Variants in WDR11 observed in about 807,000 individuals in gnomAD.
WDR11 encodes WD repeat domain 11, also known as WD repeat-containing protein 11.
A neutral mutation model predicts 151.2 loss-of-function variants in WDR11; 83 were observed. The ratio of observed to expected loss-of-function variants is 0.55; its 90% confidence interval spans 0.46 to 0.66. WDR11 has a LOEUF of 0.66. Ranked by LOEUF, WDR11 falls within the 30% of genes least tolerant of loss-of-function variation. The probability of loss-of-function intolerance (pLI) is 0.00; values close to 1 mark genes in which losing one functional copy is unlikely to be tolerated. For synonymous variants in WDR11, 484 were observed against 533.1 expected (o/e 0.91, Z 1.27); for missense variants, 1,301 against 1,480.9 (o/e 0.88, Z 1.99).
chr10:120,862,881 C>G lies in WDR11; in HGVS notation c.673C>G (p.Leu225Val), dbSNP rs2133740277. Reference protein sequence around the residue: ...LATATGAKKALNKVKILITQE... With the variant: ...LATATGAKKAVNKVKILITQE... Reference sequence around the variant, plus strand: ...CACAGCCACAGGTGCCAAGAAAGCTCTAAATAAAGTAAAAATTTTAATCAC... The same window carrying G: ...CACAGCCACAGGTGCCAAGAAAGCTGTAAATAAAGTAAAAATTTTAATCAC... Residue 225 changes from leucine (L) to valine (V), a missense_variant, in exon 5 of 29, where the codon CTA becomes GTA. This residue lies in a region of WDR11 where 692 missense variants were observed against 762.5 expected (regional missense o/e 0.91). Coordinates refer to ENST00000263461, the MANE Select transcript of WDR11 (RefSeq NM_018117.12). 1.2e-6 allele frequency: 2 copies of G among 1,613,940 alleles called. No homozygotes were observed. The highest frequency in any genetic ancestry group is 1.7e-6 in the Non-Finnish European group (2 of 1,179,920).
chr10:120,851,633 A>G (rs911980045), intron 1 of WDR11, 127 bp downstream of exon 1: 41 of 1,134,546 alleles, frequency 3.6e-5, no homozygotes, highest in Non-Finnish European at 5.1e-5. Context: ...CCCTCACGCA[A>G]TGAGCTTGCT....
chr10:120,908,189 C>T lies in WDR11; in HGVS notation c.3518-367C>T, dbSNP rs916580709. ...ATATCTGCCCCCAAACTGCCAGCCTCTCAGACTTTCAAATGGAATGAGGAT... is the reference window on the plus strand; with the variant it reads ...ATATCTGCCCCCAAACTGCCAGCCTTTCAGACTTTCAAATGGAATGAGGAT... On this transcript the variant is annotated intron_variant, in intron 28 of 28. Coordinates refer to ENST00000263461, the MANE Select transcript of WDR11 (RefSeq NM_018117.12). The T allele has an allele frequency of 1.5e-5, 4 of 266,720 alleles. 1 individual carries two copies. Among genetic ancestry groups the T allele is most frequent in the South Asian group, 1.0e-4 (2 of 19,928 alleles). 16.5% of individuals were successfully genotyped at this position (266,720 alleles called of 1,614,324 possible). A position where few individuals can be genotyped will look rare whatever the true frequency, so the allele number is the denominator to read the frequency against.
chr10:120,905,541 G>A (rs1214589754), intron 26 of WDR11, 125 bp downstream of exon 26: 11 of 989,904 alleles, frequency 1.1e-5, no homozygotes, highest in Admixed American at 5.6e-5. Context: ...ATACTGTCTT[G>A]GAACCTTTAT....
In WDR11 at chr10:120,878,344, C is replaced by T; in HGVS notation, c.1557-9C>T. ...ATTAGTTTAACCTTTATCTCATTTC[C>T]TATTATAGGGGTATTGAATGGACAA... is the stretch of plus-strand genomic sequence containing the variant. On this transcript the variant is annotated splice_polypyrimidine_tract_variant and intron_variant, in intron 11 of 28. Transcript: ENST00000263461. 2 of 1,581,192 alleles carry T rather than the reference C, an allele frequency of 1.3e-6. No homozygotes were observed. Among genetic ancestry groups the T allele is most frequent in the Non-Finnish European group, 8.7e-7 (1 of 1,151,694 alleles).
intron 12 of WDR11, among the ~76,000 whole-genome samples, 161 bp downstream of exon 12, chr10:120,878,620 C>T (rs1035994165): frequency 6.6e-6 from 1 of 152,060 alleles, no homozygotes; most frequent in African/African-American, 2.4e-5. Flanking sequence ...AGAAAGGCCT[C>T]ATCATTGTTT....
chr10:120,896,817 G>T (rs1412031162), intron 19 of WDR11, among the ~76,000 whole-genome samples: 2 of 152,178 alleles, frequency 1.3e-5, no homozygotes, highest in East Asian at 3.9e-4. Flanking sequence ...GTGGATTTGG[G>T]TTGGTAAAAA....
intron 13 of WDR11, among the ~76,000 whole-genome samples, chr10:120,882,008 CA>C (rs982389520): frequency 1.5e-4 from 23 of 152,038 alleles, no homozygotes; most frequent in African/African-American, 5.6e-4. Flanking sequence ...TTTCCTTTAT[CA>C]AGTTGAAAAA....
chr10:120,866,037 T>G (rs1846300519), intron 7 of WDR11, among the ~76,000 whole-genome samples: 1 of 151,928 alleles, frequency 6.6e-6, no homozygotes, highest in Admixed American at 6.6e-5. Context: ...TCAGTACAAG[T>G]CCAACCTTGT....
intron 19 of WDR11, among the ~76,000 whole-genome samples, chr10:120,898,471 CAT>C (rs1847692425): frequency 6.6e-6 from 1 of 152,182 alleles, no homozygotes; most frequent in Non-Finnish European, 1.5e-5. Context: ...AAGTGACTAT[CAT>C]ATTGGATATC....
rs78163411 is a variant in WDR11, at chr10:120,851,534, A to G, written c.86+28A>G. The G allele has an allele frequency of 1.9e-3, 2,990 of 1,599,742 alleles. 42 individuals carry two copies. In the African/African-American group the frequency reaches 0.037, roughly 20 times the overall value. The stretch of plus-strand genomic sequence containing the variant: ...GAGGACGCCGAGCTTCCAGGTCGCC[A>G]GGATCGGCCAGGAATGTGTGAGGGG... On this transcript the variant is annotated intron_variant, in intron 1 of 28. Coordinates refer to ENST00000263461, the MANE Select transcript of WDR11 (RefSeq NM_018117.12).
At chr10:120,878,096 C>T (rs1318525891) in intron 11 of WDR11, among the ~76,000 whole-genome samples, 8 of 152,170 alleles carry the variant, frequency 5.3e-5, no homozygotes, top group Admixed American at 2.6e-4. Context: ...CATACTAATA[C>T]TGATGTGAAT....
At chr10:120,898,140 CAA>C (rs778261624) in intron 19 of WDR11, among the ~76,000 whole-genome samples, 1 of 151,918 alleles carries the variant, frequency 6.6e-6, no homozygotes, top group Admixed American at 6.6e-5. Context: ...CCAATATATC[CAA>C]AGTTTTATTT....
chr10:120,889,753 G>A, intron 17 of WDR11, 142 bp from the exon 18 acceptor site: 1 of 697,884 alleles, frequency 1.4e-6, no homozygotes, highest in Non-Finnish European at 2.6e-6. Context: ...TCTGTCAGAT[G>A]TGGCCCCCAG....
rs960031410 is a variant in WDR11, at chr10:120,867,269, A to C, written c.1294+100A>C. 4 of 848,338 alleles carry C rather than the reference A, an allele frequency of 4.7e-6. No individual in the cohort carries two copies. In the East Asian group the frequency reaches 1.0e-4, roughly 22 times the overall value. The allele number at this position is 848,338 out of a possible 1,614,324, so 52.6% of individuals were successfully genotyped here. A position where few individuals can be genotyped will look rare whatever the true frequency, so the allele number is the denominator to read the frequency against. On this transcript the variant is annotated intron_variant, in intron 9 of 28. Coordinates refer to ENST00000263461, the MANE Select transcript of WDR11 (RefSeq NM_018117.12). ...TAATTATTTTAAAGTCAAAAAAGTTAATACTTGAGAAAACTAGAACATGGA... is the reference window on the plus strand; with the variant it reads ...TAATTATTTTAAAGTCAAAAAAGTTCATACTTGAGAAAACTAGAACATGGA...
At chr10:120,867,283 C>G in intron 9 of WDR11, 114 bp downstream of exon 9, 1 of 778,430 alleles carries the variant, frequency 1.3e-6, no homozygotes, top group Non-Finnish European at 2.2e-6. Context: ...CTTGAGAAAA[C>G]TAGAACATGG....
chr10:120,883,871 C>G lies in WDR11; in HGVS notation c.1831C>G (p.Pro611Ala), dbSNP rs751905748. 3 of 1,612,462 alleles carry G rather than the reference C, an allele frequency of 1.9e-6. No individual in the cohort carries two copies. In the South Asian group the frequency reaches 3.3e-5, roughly 18 times the overall value. The change falls in exon 14 of 29, where the codon CCT becomes GCT. Residue 611 changes from proline (P) to alanine (A), a missense_variant. Physicochemically the swap from Pro to Ala is conservative, Grantham distance 27 (BLOSUM62 -1). Around this residue, in one of 3 missense-constraint regions of WDR11, gnomAD observed 692 missense variants for 762.5 expected, o/e 0.91. Coordinates refer to ENST00000263461, the MANE Select transcript of WDR11 (RefSeq NM_018117.12). The stretch of plus-strand genomic sequence containing the variant: ...TCTTAGAGAGATGTCCAAAAACTTC[C>G]CTACAATAACTGCTTTGGTAAGTTA... Reference protein sequence around the residue: ...TLLREMSKNFPTITALEWSPS... With the variant: ...TLLREMSKNFATITALEWSPS...
At position 120,909,080 on chromosome 10, in the gene WDR11, A is replaced by C; in HGVS notation, c.*367A>C. 1 of 273,358 alleles carries C rather than the reference A, an allele frequency of 3.7e-6. No individual in the cohort carries two copies. Among genetic ancestry groups the C allele is most frequent in the Non-Finnish European group, 7.1e-6 (1 of 140,976 alleles). 16.9% of individuals were successfully genotyped at this position (273,358 alleles called of 1,614,324 possible). ...AAAGATTATTGAGAAACCTATAGTA[A>C]ATGAAATTTGTGAGATGTTTTCTCA... On this transcript the variant is annotated 3_prime_UTR_variant, in exon 29 of 29. Coordinates refer to ENST00000263461, the MANE Select transcript of WDR11 (RefSeq NM_018117.12).
At chr10:120,893,217 A>C (rs1393080519) in intron 19 of WDR11, among the ~76,000 whole-genome samples, 1 of 133,242 alleles carries the variant, frequency 7.5e-6, no homozygotes, top group Admixed American at 8.9e-5. Flanking sequence ...TCCTGTGTCC[A>C]TGTGTTCTCA....
At chr10:120,869,883 G>T (rs772851379) in intron 9 of WDR11, among the ~76,000 whole-genome samples, 2 of 152,012 alleles carry the variant, frequency 1.3e-5, no homozygotes, top group East Asian at 3.9e-4. Context: ...TCCACCTCCC[G>T]AGTTCAAGCG....
Sources: gnomAD v4.1 joint callset for allele counts (sites outside exome capture counted in the v4.1 genomes callset) on GRCh38, gnomAD v4.1.1 for gene constraint, gnomAD v4.1.1 regional missense constraint, MANE v1.5 for transcripts, NCBI Gene and HGNC (gene_info 2026-07-23, HGNC 2026-07-21) for gene names.